RHOBTB1: variants seen among roughly 807,000 people sequenced by gnomAD.
RHOBTB1 encodes the protein rho-related BTB domain-containing protein 1.
A neutral mutation model predicts 71.6 loss-of-function variants in RHOBTB1; 40 were observed. The ratio of observed to expected loss-of-function variants is 0.56; its 90% CI spans 0.43 to 0.73. The LOEUF is 0.73. Ranked by LOEUF, RHOBTB1 falls within the 30% of genes least tolerant of loss-of-function variation. RHOBTB1 has a pLI of 0.00. For synonymous variants in RHOBTB1, 319 were observed against 334.9 expected (o/e 0.95, Z 0.52); for missense variants, 797 against 894.0 (o/e 0.89, Z 1.38).
intron 2 of RHOBTB1, among the ~76,000 whole-genome samples, chr10:60,980,790 G>C (rs1236864463): frequency 6.6e-6 from 1 of 152,136 alleles, no homozygotes; most frequent in Admixed American, 6.5e-5. Context: ...TTATGAAACA[G>C]AGCTCTTTCC....
intron 2 of RHOBTB1, among the ~76,000 whole-genome samples, chr10:60,940,787 A>G (rs551967511): frequency 3.3e-5 from 5 of 152,318 alleles, no homozygotes; most frequent in African/African-American, 4.8e-5. Context: ...TTTTTCATGC[A>G]TATATGGAAT....
chr10:60,926,917 A>C (rs1381313505), intron 2 of RHOBTB1, among the ~76,000 whole-genome samples: 2 of 152,198 alleles, frequency 1.3e-5, no homozygotes, highest in African/African-American at 4.8e-5. Flanking sequence ...GGACATTCAA[A>C]TTGTAATGGA....
intron 2 of RHOBTB1, among the ~76,000 whole-genome samples, chr10:60,950,476 C>A (rs1479213340): frequency 1.3e-5 from 2 of 152,042 alleles, no homozygotes; most frequent in Non-Finnish European, 2.9e-5. Context: ...GTTTAAAAAA[C>A]CAAAAACGAA....
chr10:60,971,330 C>G (rs1389791287), intron 2 of RHOBTB1, among the ~76,000 whole-genome samples: 1 of 152,058 alleles, frequency 6.6e-6, no homozygotes, highest in Admixed American at 6.6e-5. Context: ...CAGCATGGTA[C>G]TGGTACCAAA....
chr10:60,912,342 G>A (rs984104246), intron 2 of RHOBTB1, among the ~76,000 whole-genome samples: 2 of 151,942 alleles, frequency 1.3e-5, no homozygotes, highest in African/African-American at 4.8e-5. Flanking sequence ...CAAGCGATTC[G>A]CCTGGCTCAG....
At chr10:60,967,368 C>T (rs2086005476) in intron 2 of RHOBTB1, among the ~76,000 whole-genome samples, 3 of 150,196 alleles carry the variant, frequency 2.0e-5, no homozygotes, top group South Asian at 4.2e-4. Context: ...TCTTGGCTCA[C>T]CGCAATCTCC....
At chr10:60,943,810 C>T (rs920794030) in intron 1 of RHOBTB1, among the ~76,000 whole-genome samples, 161 bp downstream of exon 1, 65 of 152,076 alleles carry the variant, frequency 4.3e-4, no homozygotes, top group African/African-American at 1.5e-3. Flanking sequence ...GGGAGGCCCC[C>T]CTAGCGGCTC....
chr10:60,919,079 C>T (rs140269234), intron 2 of RHOBTB1, among the ~76,000 whole-genome samples: 97 of 152,292 alleles, frequency 6.4e-4, no homozygotes, highest in African/African-American at 2.1e-3. Context: ...GCATGGTGAG[C>T]AGTCTGCTTA....
At chr10:60,885,867 G>A (rs978934685) in intron 7 of RHOBTB1, among the ~76,000 whole-genome samples, 1 of 152,106 alleles carries the variant, frequency 6.6e-6, no homozygotes, top group Non-Finnish European at 1.5e-5. Context: ...AAGCACCCAG[G>A]TGCCCCCACA....
At chr10:60,911,093 TAA>T in intron 3 of RHOBTB1, 103 bp from the exon 4 acceptor site, 1 of 890,302 alleles carries the variant, frequency 1.1e-6, no homozygotes. Context: ...TCACTTGCAT[TAA>T]GTTTCCTTAT....
intron 9 of RHOBTB1, among the ~76,000 whole-genome samples, chr10:60,874,520 C>A (rs962348697): frequency 9.9e-5 from 15 of 152,192 alleles, no homozygotes; most frequent in Admixed American, 3.3e-4. Context: ...TTATTACAAT[C>A]TCAATATTAG....
At chr10:60,986,408 T>C (rs950038763) in intron 1 of RHOBTB1, among the ~76,000 whole-genome samples, 1 of 127,254 alleles carries the variant, frequency 7.9e-6, no homozygotes, top group Non-Finnish European at 1.6e-5. Context: ...ATAAAAGATA[T>C]ATATATATAT....
At chr10:60,872,830 A>G (rs572801371) in intron 9 of RHOBTB1, among the ~76,000 whole-genome samples, 1 of 152,306 alleles carries the variant, frequency 6.6e-6, no homozygotes, top group South Asian at 2.1e-4. Context: ...CCACCCTTCC[A>G]TTCTAAGCAA....
chr10:60,978,364 T>C (rs2086382974), intron 2 of RHOBTB1, among the ~76,000 whole-genome samples: 1 of 152,168 alleles, frequency 6.6e-6, no homozygotes, highest in Non-Finnish European at 1.5e-5. Context: ...GGGCTTTATG[T>C]CTCCACTTGC....
At chr10:60,977,596 T>TA (rs1189308981) in intron 2 of RHOBTB1, among the ~76,000 whole-genome samples, 4 of 152,116 alleles carry the variant, frequency 2.6e-5, no homozygotes, top group African/African-American at 9.6e-5. Context: ...GTTCTTTTTT[T>TA]ACTGTTAATA....
chr10:60,972,646 G>A (rs968520747), intron 2 of RHOBTB1, among the ~76,000 whole-genome samples: 2 of 151,906 alleles, frequency 1.3e-5, no homozygotes, highest in African/African-American at 4.8e-5. Context: ...TAACAAACCT[G>A]TATGTTCTGC....
At chr10:60,898,332 A>G (rs1311057490) in intron 4 of RHOBTB1, among the ~76,000 whole-genome samples, 2 of 152,268 alleles carry the variant, frequency 1.3e-5, no homozygotes, top group African/African-American at 2.4e-5. Flanking sequence ...TTTCAAAACC[A>G]TTCATGTCGA....
At chr10:60,907,394 C>CA (rs982145367) in intron 4 of RHOBTB1, among the ~76,000 whole-genome samples, 8 of 151,876 alleles carry the variant, frequency 5.3e-5, no homozygotes, top group Non-Finnish European at 8.8e-5. Flanking sequence ...CTTTCCTTGC[C>CA]AAAAAAGAGC....
chr10:60,971,163 T>C (rs978280413), intron 2 of RHOBTB1, among the ~76,000 whole-genome samples: 1 of 152,066 alleles, frequency 6.6e-6, no homozygotes, highest in Non-Finnish European at 1.5e-5. Context: ...ATTTTTTCAC[T>C]TTGTATTTGT....
Sources: gnomAD v4.1 joint callset for allele counts (sites outside exome capture counted in the v4.1 genomes callset) on GRCh38, gnomAD v4.1.1 for gene constraint, MANE v1.5 for transcripts, NCBI Gene and HGNC (gene_info 2026-07-23, HGNC 2026-07-21) for gene names.